The following ASTN2 variants were observed in gnomAD, a reference collection of about 807,000 sequenced individuals.
ASTN2 encodes astrotactin-2.
In ASTN2, 54 loss-of-function variants were observed where a neutral mutation model predicts 139.8. That is an observed-to-expected ratio of 0.39 (90% CI 0.31 to 0.48). The LOEUF (loss-of-function observed/expected upper bound fraction) is 0.48, where lower values mean the gene tolerates loss of function less well. Among genes scored for constraint, ASTN2 ranks in the 20% least tolerant of loss-of-function variants. The pLI is 0.95. For missense variants in ASTN2, 1,565 were observed against 1,725.1 expected (o/e 0.91, Z 1.64); for synonymous variants, 756 against 719.5 (o/e 1.05, Z -0.81).
At chr9:117,256,290 A>T (rs1564110140) in intron 2 of ASTN2, among the ~76,000 whole-genome samples, 1 of 152,196 alleles carries the variant, frequency 6.6e-6, no homozygotes, top group East Asian at 1.9e-4. Context: ...AGGGTAGCAC[A>T]TACACTAAAT....
At chr9:116,536,828 G>T (rs1564352318) in intron 19 of ASTN2, among the ~76,000 whole-genome samples, 1 of 152,220 alleles carries the variant, frequency 6.6e-6, no homozygotes, top group African/African-American at 2.4e-5. Flanking sequence ...GAGGCAGTCT[G>T]TCTGTTCTCA....
intron 11 of ASTN2, among the ~76,000 whole-genome samples, chr9:116,826,992 A>G (rs1290568778): frequency 6.6e-6 from 1 of 152,198 alleles, no homozygotes; most frequent in African/African-American, 2.4e-5. Flanking sequence ...TCACAAATTA[A>G]CAACCTAATA....
chr9:116,468,747 G>T (rs903201959), intron 20 of ASTN2, among the ~76,000 whole-genome samples: 1 of 152,116 alleles, frequency 6.6e-6, no homozygotes, highest in African/African-American at 2.4e-5. Context: ...TTACTTTCAA[G>T]ATAAAGTCCA....
At chr9:117,030,711 T>A (rs1239061191) in intron 6 of ASTN2, among the ~76,000 whole-genome samples, 1 of 152,034 alleles carries the variant, frequency 6.6e-6, no homozygotes, top group African/African-American at 2.4e-5. Flanking sequence ...AAATTTTTTT[T>A]CTTCCATGGT....
chr9:117,353,448 T>A (rs896331245), intron 1 of ASTN2, among the ~76,000 whole-genome samples: 3 of 152,220 alleles, frequency 2.0e-5, no homozygotes, highest in African/African-American at 7.2e-5. Flanking sequence ...ATTTTAATTT[T>A]ATTTAATTTT....
At chr9:117,260,044 T>A (rs1319640589) in intron 2 of ASTN2, among the ~76,000 whole-genome samples, 4 of 152,200 alleles carry the variant, frequency 2.6e-5, no homozygotes, top group African/African-American at 9.7e-5. Context: ...CTTTCTTTTA[T>A]CCCTTACTGG....
At chr9:117,201,763 G>A (rs972653458) in intron 3 of ASTN2, among the ~76,000 whole-genome samples, 1 of 152,248 alleles carries the variant, frequency 6.6e-6, no homozygotes, top group African/African-American at 2.4e-5. Flanking sequence ...TTTCAATAAT[G>A]TGGTTGATTT....
chr9:116,732,214 G>T (rs946142966), intron 14 of ASTN2, among the ~76,000 whole-genome samples: 1 of 152,144 alleles, frequency 6.6e-6, no homozygotes, highest in Non-Finnish European at 1.5e-5. Context: ...GACTAGCCAC[G>T]TGGCCTTGGA....
At chr9:116,553,341 C>T (rs1011144460) in intron 19 of ASTN2, among the ~76,000 whole-genome samples, 2 of 152,176 alleles carry the variant, frequency 1.3e-5, no homozygotes, top group Non-Finnish European at 2.9e-5. Context: ...CTAAAGAGCC[C>T]TAGCGGAGGG....
At chr9:117,171,935 C>G (rs1291640710) in intron 3 of ASTN2, among the ~76,000 whole-genome samples, 1 of 151,906 alleles carries the variant, frequency 6.6e-6, no homozygotes, top group Non-Finnish European at 1.5e-5. Flanking sequence ...TAAGGGGACA[C>G]TATATCGTAA....
At chr9:116,839,272 C>G (rs1465338141) in intron 11 of ASTN2, among the ~76,000 whole-genome samples, 2 of 151,996 alleles carry the variant, frequency 1.3e-5, no homozygotes, top group African/African-American at 2.4e-5. Flanking sequence ...CTCAGCCTCT[C>G]GAATAGCTGG....
rs577058285 is a variant in ASTN2, at chr9:117,057,433, C to T, written c.1277-17468G>A. ...ACTCAGGTGCTACACACACCTGGCGCTTCCTGCATATGCTGTTAAATTTAT... is the reference window on the plus strand; with the variant it reads ...ACTCAGGTGCTACACACACCTGGCGTTTCCTGCATATGCTGTTAAATTTAT... On this transcript the variant is annotated intron_variant, in intron 5 of 22. Coordinates refer to ENST00000313400, the MANE Select transcript of ASTN2 (RefSeq NM_001365068.1). Among the ~76,000 whole-genome samples, 254 of 152,280 alleles carry T rather than the reference C, an allele frequency of 1.7e-3. 1 individual carries two copies. The highest frequency in any genetic ancestry group is 5.7e-3 in the African/African-American group (235 of 41,548).
chr9:117,206,378 G>A (rs1831924407), intron 3 of ASTN2, among the ~76,000 whole-genome samples: 1 of 152,166 alleles, frequency 6.6e-6, no homozygotes, highest in Non-Finnish European at 1.5e-5. Flanking sequence ...TACTACAGGA[G>A]AATTCCACAG....
At chr9:116,902,616 T>C (rs1834042120) in intron 10 of ASTN2, among the ~76,000 whole-genome samples, 1 of 152,074 alleles carries the variant, frequency 6.6e-6, no homozygotes, top group Admixed American at 6.6e-5. Context: ...GTTTGTGTAG[T>C]ATAATCTAGG....
intron 16 of ASTN2, among the ~76,000 whole-genome samples, chr9:116,710,733 C>CAAAAAAAAAAAA (rs57745448): frequency 4.1e-5 from 3 of 72,578 alleles, no homozygotes; most frequent in African/African-American, 5.1e-5. Flanking sequence ...AACTCCGTCT[C>CAAAAAAAAAAAA]AAAAAAAAAA....
intron 19 of ASTN2, chr9:116,611,796 C>G (rs949972872): frequency 2.0e-5 from 3 of 152,026 alleles, no homozygotes; most frequent in Admixed American, 2.0e-4. Flanking sequence ...AGCCCAGATG[C>G]CTTCACTGGT....
At chr9:116,665,914 G>A (rs1429828888) in intron 16 of ASTN2, among the ~76,000 whole-genome samples, 2 of 152,166 alleles carry the variant, frequency 1.3e-5, no homozygotes, top group African/African-American at 4.8e-5. Context: ...ACTGGAGACT[G>A]CTAGGAGACA....
chr9:116,658,714 C>T (rs1298780333), intron 16 of ASTN2, among the ~76,000 whole-genome samples: 1 of 144,762 alleles, frequency 6.9e-6, no homozygotes, highest in Admixed American at 7.1e-5. Flanking sequence ...GTATGACCTT[C>T]CTAATCCTGA....
chr9:116,842,261 A>T (rs576892050), intron 11 of ASTN2, among the ~76,000 whole-genome samples: 1 of 152,300 alleles, frequency 6.6e-6, no homozygotes, highest in African/African-American at 2.4e-5. Context: ...GATGCAAGGA[A>T]GGAAATGAAA....
Sources: allele counts gnomAD v4.1 joint callset (sites outside exome capture counted in the v4.1 genomes callset), GRCh38; gene constraint gnomAD v4.1.1; transcripts MANE v1.5; gene names NCBI Gene and HGNC (gene_info 2026-07-23, HGNC 2026-07-21).